The following SUPT20H variants were observed in gnomAD, a reference collection of about 807,000 sequenced individuals.
The protein encoded by SUPT20H is SPT20 homolog, SAGA complex component.
In SUPT20H, 82 loss-of-function variants were observed where a neutral mutation model predicts 122.8. The ratio of observed to expected loss-of-function variants is 0.67; its 90% CI spans 0.56 to 0.80. The LOEUF is 0.80. Among genes scored for constraint, SUPT20H ranks in the 30% least tolerant of loss-of-function variants. The probability of loss-of-function intolerance (pLI) is 0.00; values close to 1 mark genes in which losing one functional copy is unlikely to be tolerated. For synonymous variants in SUPT20H, 291 were observed against 313.0 expected (o/e 0.93, Z 0.74); for missense variants, 831 against 921.6 (o/e 0.90, Z 1.27).
At position 37,010,630 on chromosome 13, in the gene SUPT20H, C is replaced by T; in HGVS notation, c.2124G>A (p.Glu708=). The T allele has an allele frequency of 6.2e-7, 1 of 1,613,690 alleles. No homozygotes were observed. Among genetic ancestry groups the T allele is most frequent in the African/African-American group, 1.3e-5 (1 of 74,974 alleles). ...GAGGAAGGCTTTGCTCAGGTCTGTT[C>T]TCGGCAGAGCCAAGCTGAGACAACA... ...AAVLSQLGSA[E]NRPEQSLPQQ... Residue 708 remains glutamate (E), a synonymous_variant, in exon 25 of 26, where the codon GAG becomes GAA. Coordinates refer to ENST00000350612, the MANE Select transcript of SUPT20H (RefSeq NM_001014286.3).
intron 7 of SUPT20H, among the ~76,000 whole-genome samples, chr13:37,043,564 C>A (rs2065879274): frequency 6.6e-6 from 1 of 152,132 alleles, no homozygotes; most frequent in South Asian, 2.1e-4. Context: ...AGAACTACGT[C>A]TCTACGTTTC....
chr13:37,051,778 G>C, intron 1 of SUPT20H, 195 bp from the exon 2 acceptor site: 1 of 305,986 alleles, frequency 3.3e-6, no homozygotes, highest in Non-Finnish European at 6.0e-6. Flanking sequence ...CTGAAAAGTA[G>C]TTTCAACTAG....
At position 37,022,267 on chromosome 13, in the gene SUPT20H, G is replaced by A. The variant is rs2061551186; in HGVS notation, c.1592-187C>T. On this transcript the variant is annotated intron_variant, in intron 19 of 25. Coordinates refer to ENST00000350612, the MANE Select transcript of SUPT20H (RefSeq NM_001014286.3). This position sits in a 1 kb window ranked among gnomAD's most constrained non-coding sequence, Gnocchi z 4.5. ...GAGCTCTGAGCATCAGGAGGGTGTGGGGTCGATGAAGGGGTTGGTGTAGGA... is the reference window on the plus strand; with the variant it reads ...GAGCTCTGAGCATCAGGAGGGTGTGAGGTCGATGAAGGGGTTGGTGTAGGA... The A allele has an allele frequency of 6.6e-7, 1 of 1,515,618 alleles. No homozygotes were observed. The highest frequency in any genetic ancestry group is 8.9e-7 in the Non-Finnish European group (1 of 1,128,638). 93.9% of individuals were successfully genotyped at this position (1,515,618 alleles called of 1,614,324 possible).
chr13:37,021,611 G>A lies in SUPT20H; in HGVS notation c.1662-9C>T, dbSNP rs1472459363. 6.2e-7 allele frequency: 1 copy of A among 1,606,732 alleles called. No homozygotes were observed. Among genetic ancestry groups the A allele is most frequent in the Non-Finnish European group, 8.5e-7 (1 of 1,177,302 alleles). ...TCAAAGCCTGGGCCCCACTGCAGGA[G>A]AATAAGACAAAGCATTAAACTTCAC... On this transcript the variant is annotated splice_polypyrimidine_tract_variant and intron_variant, in intron 20 of 25. Coordinates refer to ENST00000350612, the MANE Select transcript of SUPT20H (RefSeq NM_001014286.3).
At chr13:37,015,480 TA>T (rs111755282) in intron 23 of SUPT20H, among the ~76,000 whole-genome samples, 8,413 of 125,908 alleles carry the variant, frequency 0.067, 718 homozygotes, top group African/African-American at 0.21. Flanking sequence ...GAAGGCTGCT[TA>T]AAAAAAAAAA....
intron 13 of SUPT20H, among the ~76,000 whole-genome samples, chr13:37,029,327 G>A (rs1052724821): frequency 1.3e-5 from 2 of 152,088 alleles, no homozygotes; most frequent in Admixed American, 6.6e-5. Context: ...TCGGGAGTTC[G>A]AGACCAGCCT....
Position 37,009,790 on chromosome 13 carries a change from TG to T in SUPT20H, c.2221del (p.His741IlefsTer29). ...TGCTGCTGCTGCCATAGCCATTTGA[TG>T]CTGCAAGAATCGCAACTGCTGCAAA... is the stretch of plus-strand genomic sequence containing the variant. Reference protein sequence around the residue: ...QQIQQLRFLQHQMAMAAAAAQ... With the variant: ...QQIQQLRFLQXQMAMAAAAAQ... On this transcript the variant is annotated frameshift_variant, in exon 26 of 26. Transcript: ENST00000350612. LOFTEE classifies it high-confidence loss of function. 1 of 1,612,414 alleles carries T rather than the reference TG, an allele frequency of 6.2e-7. No individual in the cohort carries two copies. Among genetic ancestry groups the T allele is most frequent in the South Asian group, 1.1e-5 (1 of 90,642 alleles).
At chr13:37,049,151 T>A (rs965125064) in intron 2 of SUPT20H, among the ~76,000 whole-genome samples, 1 of 152,184 alleles carries the variant, frequency 6.6e-6, no homozygotes, top group African/African-American at 2.4e-5. Flanking sequence ...ATTGAAAGCA[T>A]GCATCATTAT....
At chr13:37,053,140 ACT>A (rs1056145484) in intron 1 of SUPT20H, among the ~76,000 whole-genome samples, 3 of 152,188 alleles carry the variant, frequency 2.0e-5, no homozygotes, top group Non-Finnish European at 4.4e-5. Context: ...AACCAGAAAT[ACT>A]GTTTGACCCA....
At chr13:37,020,105 G>A (rs887873204) in intron 21 of SUPT20H, among the ~76,000 whole-genome samples, 5 of 152,054 alleles carry the variant, frequency 3.3e-5, no homozygotes, top group African/African-American at 7.2e-5. Context: ...GCTGTGTGCT[G>A]TAGTTTGTTG....
intron 21 of SUPT20H, among the ~76,000 whole-genome samples, chr13:37,020,182 T>C (rs889689007): frequency 1.3e-5 from 2 of 152,144 alleles, no homozygotes; most frequent in African/African-American, 2.4e-5. Flanking sequence ...TATTTAAAAA[T>C]GTATCTAGTT....
At chr13:37,029,547 A>C (rs2062930832) in intron 13 of SUPT20H, among the ~76,000 whole-genome samples, 1 of 151,290 alleles carries the variant, frequency 6.6e-6, no homozygotes, top group South Asian at 2.1e-4. Flanking sequence ...ATAAAATAAA[A>C]ATAAAAAATA....
intron 1 of SUPT20H, among the ~76,000 whole-genome samples, chr13:37,054,909 T>A (rs2068590042): frequency 1.3e-5 from 2 of 152,228 alleles, no homozygotes; most frequent in Admixed American, 6.5e-5. Context: ...GATAGGCAAC[T>A]TCAGCAAAGT....
rs534334215 is a variant in SUPT20H at position 37,031,732 on chromosome 13, T to C, written c.864+7A>G. ...TAATAAGCTTCATTTAAAATATATA[T>C]ACTTACATTTCCTGCCTTAGAAATT... On this transcript the variant is annotated splice_region_variant and intron_variant, in intron 11 of 25. Coordinates refer to ENST00000350612, the MANE Select transcript of SUPT20H (RefSeq NM_001014286.3). 5.7e-6 allele frequency: 9 copies of C among 1,583,838 alleles called. No individual in the cohort carries two copies. The highest frequency in any genetic ancestry group is 2.4e-5 in the South Asian group (2 of 84,526).
chr13:37,045,182 T>C (rs558750743), intron 6 of SUPT20H, 65 bp downstream of exon 6: 1 of 1,596,182 alleles, frequency 6.3e-7, no homozygotes, highest in Non-Finnish European at 8.5e-7. Context: ...AAAACTACTT[T>C]AAAAAAACCG....
intron 5 of SUPT20H, chr13:37,046,993 A>G (rs1034148237): frequency 9.9e-5 from 15 of 152,272 alleles, no homozygotes; most frequent in Non-Finnish European, 4.4e-5. Flanking sequence ...GAGGGCTCCA[A>G]GACATCAATA....
chr13:37,014,023 A>G (rs768034407), intron 23 of SUPT20H: 2 of 152,142 alleles, frequency 1.3e-5, no homozygotes, highest in Non-Finnish European at 2.9e-5. Context: ...ATATTCAAAC[A>G]AGGAGGAATA....
Position 37,022,036 on chromosome 13 carries a change from A to C in SUPT20H, c.1636T>G (p.Phe546Val), listed in dbSNP as rs1341677563. The C allele has an allele frequency of 6.2e-7, 1 of 1,610,478 alleles. No individual in the cohort carries two copies. Among genetic ancestry groups the C allele is most frequent in the Non-Finnish European group, 8.5e-7 (1 of 1,177,378 alleles). Reference sequence around the variant, plus strand: ...CAAACAGAGCCCACTACATTGATGAAGTTAAGTCCAGCAGAGTTTGCCATG... The same window carrying C: ...CAAACAGAGCCCACTACATTGATGACGTTAAGTCCAGCAGAGTTTGCCATG... ...QVMANSAGLN[F>V]INVVGSVCGA... Residue 546 changes from phenylalanine to valine, a missense_variant, in exon 20 of 26, where the codon TTC becomes GTC. Phe to Val is a conservative substitution (Grantham distance 50). Coordinates refer to ENST00000350612, the MANE Select transcript of SUPT20H (RefSeq NM_001014286.3). This position sits in a 1 kb window ranked among gnomAD's most constrained non-coding sequence, Gnocchi z 4.5.
At position 37,040,676 on chromosome 13, in the gene SUPT20H, C is replaced by T; in HGVS notation, c.413G>A (p.Cys138Tyr). 7 of 1,612,952 alleles carry T rather than the reference C, an allele frequency of 4.3e-6. No homozygotes were observed. The highest frequency in any genetic ancestry group is 5.9e-6 in the Non-Finnish European group (7 of 1,179,668). Reference sequence around the variant, plus strand: ...ACGTATTTCTGCTATGACACATCCGCAATGAAAAATATTAACCTGTTTGGG... The same window carrying T: ...ACGTATTTCTGCTATGACACATCCGTAATGAAAAATATTAACCTGTTTGGG... ...LEKSQVNIFH[C>Y]GCVIAEIRDY... Residue 138 changes from cysteine to tyrosine, a missense_variant, in exon 8 of 26, where the codon TGC becomes TAC. Transcript: ENST00000350612.
Sources: allele counts gnomAD v4.1 joint callset (sites outside exome capture counted in the v4.1 genomes callset), GRCh38; gene constraint gnomAD v4.1.1; non-coding constraint Gnocchi (gnomAD v3.1); transcripts MANE v1.5; gene names NCBI Gene and HGNC (gene_info 2026-07-23, HGNC 2026-07-21).